KCNQ3: variants seen among roughly 807,000 people sequenced by gnomAD.
The protein encoded by KCNQ3 is potassium voltage-gated channel subfamily Q member 3.
Under a neutral mutation model 92.5 loss-of-function variants are expected in KCNQ3, and 30 were observed. The observed-to-expected ratio is 0.32, with a 90% CI of 0.24 to 0.44. KCNQ3 has a LOEUF of 0.44. Ranked by LOEUF, KCNQ3 falls within the 20% of genes least tolerant of loss-of-function variation. The probability of loss-of-function intolerance (pLI) is 1.00; values close to 1 mark genes in which losing one functional copy is unlikely to be tolerated. For synonymous variants in KCNQ3, 450 were observed against 468.8 expected (o/e 0.96, Z 0.52); for missense variants, 913 against 1,140.3 (o/e 0.80, Z 2.87).
At chr8:132,192,238 C>T (rs144859541) in intron 1 of KCNQ3, among the ~76,000 whole-genome samples, 1 of 152,212 alleles carries the variant, frequency 6.6e-6, no homozygotes, top group Admixed American at 6.5e-5. Flanking sequence ...GCGCTTCTCA[C>T]GCCTCACCAG....
chr8:132,205,413 C>T (rs754362204), intron 1 of KCNQ3, among the ~76,000 whole-genome samples: 5 of 152,188 alleles, frequency 3.3e-5, no homozygotes, highest in Non-Finnish European at 7.4e-5. Flanking sequence ...CCATGGACAC[C>T]CACTTTGCCA....
chr8:132,316,928 G>A (rs1426751578), intron 1 of KCNQ3, among the ~76,000 whole-genome samples: 1 of 152,194 alleles, frequency 6.6e-6, no homozygotes, highest in Non-Finnish European at 1.5e-5. Context: ...TTAATGAGAA[G>A]TAGAAGGACT....
At chr8:132,326,180 A>C (rs1044021580) in intron 1 of KCNQ3, among the ~76,000 whole-genome samples, 2 of 152,194 alleles carry the variant, frequency 1.3e-5, no homozygotes, top group African/African-American at 4.8e-5. Context: ...TGGTGGAAGG[A>C]GGAAGTGGCA....
chr8:132,476,474 G>A (rs1294514151), intron 1 of KCNQ3, among the ~76,000 whole-genome samples: 1 of 152,250 alleles, frequency 6.6e-6, no homozygotes, highest in African/African-American at 2.4e-5. Flanking sequence ...GGCCATGGAA[G>A]CCCAAGCCTT....
At chr8:132,134,049 T>A (rs1244776963) in intron 13 of KCNQ3, among the ~76,000 whole-genome samples, 7 of 152,236 alleles carry the variant, frequency 4.6e-5, no homozygotes, top group Non-Finnish European at 8.8e-5. Flanking sequence ...GGGGCTATTA[T>A]CACTTTCAAA....
intron 1 of KCNQ3, among the ~76,000 whole-genome samples, chr8:132,396,090 G>C (rs1820184617): frequency 6.6e-6 from 1 of 152,210 alleles, no homozygotes; most frequent in Non-Finnish European, 1.5e-5. Flanking sequence ...GTGAGGATTA[G>C]AGGAGATGGC....
intron 9 of KCNQ3, among the ~76,000 whole-genome samples, chr8:132,147,686 T>C (rs971752420): frequency 6.6e-6 from 1 of 152,104 alleles, no homozygotes; most frequent in Non-Finnish European, 1.5e-5. Context: ...ATAATGGATA[T>C]ATGGATGACG....
chr8:132,184,198 G>C, intron 3 of KCNQ3, 43 bp downstream of exon 3: 1 of 1,613,292 alleles, frequency 6.2e-7, no homozygotes, highest in Non-Finnish European at 8.5e-7. Context: ...TGCCCCAAAA[G>C]AAGGGAACTG....
At chr8:132,262,354 A>T (rs1329364402) in intron 1 of KCNQ3, among the ~76,000 whole-genome samples, 2 of 152,216 alleles carry the variant, frequency 1.3e-5, no homozygotes, top group Non-Finnish European at 2.9e-5. Flanking sequence ...TGAATTGTAC[A>T]CTTTAAATGG....
At chr8:132,187,882 GTGGCGGTGGTGGTGGTGGTGA>G (rs1563795910) in intron 1 of KCNQ3, among the ~76,000 whole-genome samples, 2 of 91,134 alleles carry the variant, frequency 2.2e-5, no homozygotes, top group African/African-American at 5.8e-5. Context: ...GATAGTGATG[GTGGCGGTGGTGGTGGTGGTGA>G]TGGTGGTGGT....
In KCNQ3 at chr8:132,479,628, GACACACACACACACAC is replaced by G. The variant is rs71306386; in HGVS notation, c.386+503_386+518del. On this transcript the variant is annotated intron_variant, in intron 1 of 14. Coordinates refer to ENST00000388996, the MANE Select transcript of KCNQ3 (RefSeq NM_004519.4). ...GATCAGAAGGGTGGCACAAGCAAGC[GACACACACACACACAC>G]ACACACACACACGCTCCCCACTATG... is the stretch of plus-strand genomic sequence containing the variant. 8.3e-5 allele frequency among the ~76,000 whole-genome samples: 12 copies of G among 144,270 alleles called. No homozygotes were observed. In the East Asian group the frequency reaches 1.9e-3, roughly 23 times the overall value. 94.6% of individuals were successfully genotyped at this position (144,270 alleles called of 152,430 possible).
intron 9 of KCNQ3, among the ~76,000 whole-genome samples, chr8:132,155,655 C>T (rs77414466): frequency 0.058 from 8,772 of 152,236 alleles, 375 homozygotes; most frequent in South Asian, 0.12. Context: ...TAACGTGCAA[C>T]GTCTAACGTG....
intron 1 of KCNQ3, among the ~76,000 whole-genome samples, chr8:132,386,940 A>G (rs1227178570): frequency 6.6e-6 from 1 of 152,208 alleles, no homozygotes; most frequent in African/African-American, 2.4e-5. Context: ...TCTTCACTAC[A>G]AAGAAATGAA....
At chr8:132,270,798 C>T (rs1037617219) in intron 1 of KCNQ3, among the ~76,000 whole-genome samples, 2 of 152,060 alleles carry the variant, frequency 1.3e-5, no homozygotes, top group Admixed American at 6.6e-5. Context: ...TAGACTGCAC[C>T]GTTTTGATTG....
intron 1 of KCNQ3, among the ~76,000 whole-genome samples, chr8:132,432,189 C>A (rs1357125544): frequency 6.6e-6 from 1 of 152,106 alleles, no homozygotes; most frequent in Non-Finnish European, 1.5e-5. Flanking sequence ...ATCAGCAGCA[C>A]CTGGGATGGG....
chr8:132,368,195 G>T (rs1819375954), intron 1 of KCNQ3, among the ~76,000 whole-genome samples: 1 of 151,970 alleles, frequency 6.6e-6, no homozygotes, highest in Admixed American at 6.6e-5. Context: ...ATTTTTTGAG[G>T]GCCAGCTGTC....
intron 1 of KCNQ3, among the ~76,000 whole-genome samples, chr8:132,372,851 C>T (rs950886076): frequency 1.3e-5 from 2 of 151,340 alleles, no homozygotes; most frequent in South Asian, 2.1e-4. Flanking sequence ...AGCATCAGCT[C>T]ATGGGCCGGT....
chr8:132,398,004 TTG>T (rs762284360), intron 1 of KCNQ3, among the ~76,000 whole-genome samples: 1 of 152,236 alleles, frequency 6.6e-6, no homozygotes, highest in Non-Finnish European at 1.5e-5. Flanking sequence ...ACACCTTTCT[TTG>T]TGTCTTCGGG....
In KCNQ3 at chr8:132,230,159, C is replaced by A. The variant is rs554219819; in HGVS notation, c.387-43978G>T. 2.0e-5 allele frequency among the ~76,000 whole-genome samples: 3 copies of A among 152,296 alleles called. No homozygotes were observed. The East Asian group carries it at 5.8e-4, about 29-fold the overall frequency. ...CCCTCCCAGCTTCTCCCAAAGGCTGCCTCCAATTTGGATGTAATCAGAATC... is the reference window on the plus strand; with the variant it reads ...CCCTCCCAGCTTCTCCCAAAGGCTGACTCCAATTTGGATGTAATCAGAATC... On this transcript the variant is annotated intron_variant, in intron 1 of 14. Transcript: ENST00000388996.
Sources: gnomAD v4.1 joint callset for allele counts (sites outside exome capture counted in the v4.1 genomes callset) on GRCh38, gnomAD v4.1.1 for gene constraint, MANE v1.5 for transcripts, NCBI Gene and HGNC (gene_info 2026-07-23, HGNC 2026-07-21) for gene names.